Variants in ME3 observed in about 807,000 individuals in gnomAD.
ME3 encodes NADP-dependent malic enzyme, mitochondrial.
ME3 carries 48 observed loss-of-function variants against 68.9 expected under a neutral mutation model. The observed-to-expected ratio is 0.70, with a 90% CI of 0.55 to 0.89. The LOEUF is 0.89. Ranked by LOEUF, ME3 falls within the 40% of genes least tolerant of loss-of-function variation. The pLI, the probability that ME3 is intolerant of heterozygous loss-of-function variation, is 0.00. For missense variants in ME3, 675 were observed against 797.4 expected (o/e 0.85, Z 1.85); for synonymous variants, 320 against 318.8 (o/e 1.00, Z -0.04).
intron 2 of ME3, among the ~76,000 whole-genome samples, chr11:86,638,941 C>T (rs2135369860): frequency 6.6e-6 from 1 of 152,262 alleles, no homozygotes; most frequent in Non-Finnish European, 1.5e-5. Flanking sequence ...TCTGGAAAGC[C>T]CCACCAGAAA....
chr11:86,461,280 A>G (rs1442981323), intron 8 of ME3, among the ~76,000 whole-genome samples: 2 of 152,124 alleles, frequency 1.3e-5, no homozygotes, highest in Non-Finnish European at 2.9e-5. Context: ...CAGTTTCCTC[A>G]TTAGTGACGT....
intron 8 of ME3, among the ~76,000 whole-genome samples, chr11:86,461,688 G>T (rs2138706985): frequency 6.6e-6 from 1 of 152,322 alleles, no homozygotes; most frequent in South Asian, 2.1e-4. Context: ...GGCTCTGCAT[G>T]ATGTGCTGAC....
intron 2 of ME3, among the ~76,000 whole-genome samples, chr11:86,617,919 C>T (rs544867578): frequency 4.5e-4 from 68 of 152,234 alleles, no homozygotes; most frequent in African/African-American, 1.5e-3. Context: ...TCTGAGATGA[C>T]ATTAAACTGC....
intron 2 of ME3, among the ~76,000 whole-genome samples, chr11:86,604,123 G>A (rs1961235053): frequency 6.7e-6 from 1 of 149,700 alleles, no homozygotes; most frequent in South Asian, 2.1e-4. Flanking sequence ...AAAAAAAAAA[G>A]TTGTCAATAG....
At chr11:86,478,986 A>G (rs1951238603) in intron 7 of ME3, among the ~76,000 whole-genome samples, 1 of 152,178 alleles carries the variant, frequency 6.6e-6, no homozygotes, top group Non-Finnish European at 1.5e-5. Flanking sequence ...GGATACTCAG[A>G]TAGCTGGTAA....
chr11:86,598,330 C>T (rs34631227), intron 2 of ME3, among the ~76,000 whole-genome samples: 32 of 152,320 alleles, frequency 2.1e-4, no homozygotes, highest in Non-Finnish European at 3.5e-4. Context: ...CCTACGCCCA[C>T]GGAGTCTCGC....
At chr11:86,528,638 G>A (rs543091753) in intron 4 of ME3, among the ~76,000 whole-genome samples, 2 of 152,076 alleles carry the variant, frequency 1.3e-5, no homozygotes, top group African/African-American at 2.4e-5. Flanking sequence ...TAAAAGAACA[G>A]AAATTATAAC....
chr11:86,615,398 G>A (rs914939062), intron 2 of ME3, among the ~76,000 whole-genome samples: 7 of 152,130 alleles, frequency 4.6e-5, no homozygotes, highest in African/African-American at 1.7e-4. Flanking sequence ...GTACATTCTA[G>A]TATTATTCCC....
intron 2 of ME3, among the ~76,000 whole-genome samples, chr11:86,597,865 A>G (rs536359080): frequency 1.3e-5 from 2 of 152,016 alleles, no homozygotes; most frequent in African/African-American, 2.4e-5. Flanking sequence ...TAAGGTTATC[A>G]TATCTTAAAT....
chr11:86,601,644 C>G (rs1334795688), intron 2 of ME3, among the ~76,000 whole-genome samples: 1 of 151,778 alleles, frequency 6.6e-6, no homozygotes, highest in Non-Finnish European at 1.5e-5. Flanking sequence ...GGCAGAGACA[C>G]AACCAAAAAA....
At chr11:86,468,161 A>T (rs1426688435) in intron 7 of ME3, among the ~76,000 whole-genome samples, 8 of 152,144 alleles carry the variant, frequency 5.3e-5, no homozygotes, top group African/African-American at 1.7e-4. Context: ...GTCTGCACCA[A>T]GACCTCTGAG....
intron 2 of ME3, among the ~76,000 whole-genome samples, chr11:86,600,212 C>A (rs1479621841): frequency 6.6e-6 from 1 of 152,022 alleles, no homozygotes. Context: ...AAACCCATCT[C>A]ACGTGCAGAG....
intron 2 of ME3, among the ~76,000 whole-genome samples, chr11:86,638,141 T>G (rs934341192): frequency 2.6e-5 from 4 of 152,164 alleles, no homozygotes; most frequent in Non-Finnish European, 5.9e-5. Context: ...CTCTGACTTT[T>G]CTGTTGTGGT....
intron 2 of ME3, among the ~76,000 whole-genome samples, chr11:86,612,646 C>T (rs997939792): frequency 3.3e-5 from 5 of 152,186 alleles, no homozygotes; most frequent in Admixed American, 6.5e-5. Context: ...TTTTGATTTA[C>T]ATTTCTCTGA....
intron 4 of ME3, among the ~76,000 whole-genome samples, chr11:86,536,758 C>T (rs1347317904): frequency 1.3e-5 from 2 of 151,218 alleles, no homozygotes; most frequent in African/African-American, 4.9e-5. Context: ...TCTAGAAATA[C>T]CATTTGACCC....
chr11:86,446,978 T>G, intron 12 of ME3, 87 bp downstream of exon 12: 2 of 1,485,808 alleles, frequency 1.3e-6, no homozygotes, highest in Non-Finnish European at 1.8e-6. Context: ...ATCAGCGATG[T>G]AGGAGTATTT....
intron 2 of ME3, among the ~76,000 whole-genome samples, chr11:86,670,249 A>T (rs1015604036): frequency 6.6e-6 from 1 of 152,298 alleles, no homozygotes; most frequent in South Asian, 2.1e-4. Context: ...CTATTCCTGG[A>T]TGATGTGGTG....
chr11:86,493,099 C>A (rs779371621), intron 6 of ME3, among the ~76,000 whole-genome samples: 1 of 152,138 alleles, frequency 6.6e-6, no homozygotes, highest in Non-Finnish European at 1.5e-5. Context: ...TATGATGGCA[C>A]CACATGGTGA....
exon 10 of ME3, chr11:86,449,946 C>T (rs150979251): frequency 2.9e-5 from 47 of 1,613,912 alleles, no homozygotes; most frequent in Non-Finnish European, 2.3e-5. Flanking sequence ...CCTCTGCCTT[C>T]GGTACACCTT....
Sources: gnomAD v4.1 joint callset for allele counts (sites outside exome capture counted in the v4.1 genomes callset) on GRCh38, gnomAD v4.1.1 for gene constraint, MANE v1.5 for transcripts, NCBI Gene and HGNC (gene_info 2026-07-23, HGNC 2026-07-21) for gene names.